Variants in PROK2 observed in about 807,000 individuals in gnomAD.
PROK2 encodes prokineticin 2.
PROK2 carries 8 observed loss-of-function variants against 14.2 expected under a neutral mutation model. The ratio of observed to expected loss-of-function variants is 0.56; its 90% confidence interval spans 0.33 to 1.02. The LOEUF (loss-of-function observed/expected upper bound fraction) is 1.02, where lower values mean the gene tolerates loss of function less well. Ranked by LOEUF, PROK2 falls within the 50% of genes least tolerant of loss-of-function variation. PROK2 has a pLI of 0.03. For missense variants in PROK2, 154 were observed against 160.4 expected, an observed-to-expected ratio of 0.96 and a Z score of 0.22; for synonymous variants, 59 against 60.7, an observed-to-expected ratio of 0.97 and a Z score of 0.13.
intron 2 of PROK2, among the ~76,000 whole-genome samples, chr3:71,781,106 G>A (rs1245277355): frequency 6.6e-6 from 1 of 152,106 alleles, no homozygotes; most frequent in Non-Finnish European, 1.5e-5. Flanking sequence ...AATATTAAAA[G>A]CAGTCTTTTT....
chr3:71,776,099 G>A (rs942237343), intron 2 of PROK2, among the ~76,000 whole-genome samples: 1 of 152,042 alleles, frequency 6.6e-6, no homozygotes, highest in African/African-American at 2.4e-5. Flanking sequence ...GTGTTCACAA[G>A]GTCATCTGTT....
intron 2 of PROK2, among the ~76,000 whole-genome samples, chr3:71,778,122 G>C (rs1054817491): frequency 6.6e-5 from 10 of 150,920 alleles, no homozygotes; most frequent in Non-Finnish European, 4.4e-5. Flanking sequence ...GCGTGAACCC[G>C]GGAGGCGGAG....
At chr3:71,776,967 C>T (rs1228436547) in intron 2 of PROK2, among the ~76,000 whole-genome samples, 8 of 152,176 alleles carry the variant, frequency 5.3e-5, no homozygotes, top group African/African-American at 2.4e-5. Context: ...TTTGAGAAAG[C>T]ATGACTTTTA....
rs766701869 is a variant in PROK2 at position 71,784,945 on chromosome 3, C to T, written c.96+12G>A. The T allele has an allele frequency of 4.0e-6, 5 of 1,243,214 alleles. No homozygotes were observed. The highest frequency in any genetic ancestry group is 5.0e-6 in the Non-Finnish European group (5 of 991,612). The allele number at this position is 1,243,214 out of a possible 1,614,324, so 77.0% of individuals were successfully genotyped here. On this transcript the variant is annotated intron_variant, in intron 1 of 3. Coordinates refer to ENST00000295619, the MANE Select transcript of PROK2 (RefSeq NM_001126128.2). ...CGCATCAGGGGCAGACAGGTGCGCCCGGGCCGCTTACCCCGGTGATCACGG... is the reference window on the plus strand; with the variant it reads ...CGCATCAGGGGCAGACAGGTGCGCCTGGGCCGCTTACCCCGGTGATCACGG...
intron 1 of PROK2, among the ~76,000 whole-genome samples, chr3:71,784,487 G>A (rs2050195109): frequency 6.6e-6 from 1 of 152,192 alleles, no homozygotes; most frequent in Non-Finnish European, 1.5e-5. Context: ...GGACGCATCG[G>A]GGAGCAAACT....
In PROK2 at chr3:71,774,432, G is replaced by A. The variant is rs751327748; in HGVS notation, c.285+13C>T. 2.5e-5 allele frequency: 39 copies of A among 1,550,756 alleles called. No homozygotes were observed. Among genetic ancestry groups the A allele is most frequent in the African/African-American group, 1.9e-4 (14 of 72,970 alleles). On this transcript the variant is annotated intron_variant, in intron 3 of 3. Coordinates refer to ENST00000295619, the MANE Select transcript of PROK2 (RefSeq NM_001126128.2). The stretch of plus-strand genomic sequence containing the variant: ...CATGTCTTTCGGTGGTACCACATTC[G>A]CATTCTTCTTACCTCCTTTTTCCTT...
chr3:71,776,207 C>T (rs1017506531), intron 2 of PROK2, among the ~76,000 whole-genome samples: 3 of 152,156 alleles, frequency 2.0e-5, no homozygotes, highest in African/African-American at 7.2e-5. Context: ...CTGACCCTAA[C>T]ATAATGATTA....
chr3:71,779,591 C>T (rs1182922177), intron 2 of PROK2, among the ~76,000 whole-genome samples: 2 of 152,154 alleles, frequency 1.3e-5, no homozygotes, highest in Non-Finnish European at 2.9e-5. Context: ...TGTACTAATA[C>T]TGCATGAAAA....
At position 71,772,550 on chromosome 3, in the gene PROK2, C is replaced by T. The variant is rs2050087463; in HGVS notation, c.*174G>A. The T allele has an allele frequency of 1.7e-5, 11 of 638,124 alleles. No individual in the cohort carries two copies. Among genetic ancestry groups the T allele is most frequent in the Non-Finnish European group, 3.0e-5 (11 of 366,596 alleles). 39.5% of individuals were successfully genotyped at this position (638,124 alleles called of 1,614,324 possible). On this transcript the variant is annotated 3_prime_UTR_variant, in exon 4 of 4. Transcript: ENST00000295619. ...CATATTTCTATCCAAAAGTAAAATT[C>T]TCTTTCGATAAAAAAAAAAAAAAAT...
intron 1 of PROK2, among the ~76,000 whole-genome samples, chr3:71,783,243 A>G (rs2050172745): frequency 6.6e-6 from 1 of 152,206 alleles, no homozygotes; most frequent in Non-Finnish European, 1.5e-5. Context: ...GATGTTTAAC[A>G]TGCTATACAC....
At chr3:71,780,160 T>C (rs1437053458) in intron 2 of PROK2, among the ~76,000 whole-genome samples, 3 of 152,224 alleles carry the variant, frequency 2.0e-5, no homozygotes, top group Non-Finnish European at 4.4e-5. Flanking sequence ...CAGTCTTGCA[T>C]GGTAAAACCA....
chr3:71,773,003 A>T (rs1559624102), intron 3 of PROK2, among the ~76,000 whole-genome samples, 175 bp from the exon 4 acceptor site: 1 of 152,212 alleles, frequency 6.6e-6, no homozygotes, highest in Non-Finnish European at 1.5e-5. Context: ...TTTTTGAGAC[A>T]GAGTCTTGCT....
At chr3:71,780,819 C>T (rs2050154918) in intron 2 of PROK2, among the ~76,000 whole-genome samples, 1 of 152,210 alleles carries the variant, frequency 6.6e-6, no homozygotes, top group Non-Finnish European at 1.5e-5. Flanking sequence ...GATACAATCT[C>T]TCAAACCCTG....
At chr3:71,783,912 A>T (rs1397797981) in intron 1 of PROK2, among the ~76,000 whole-genome samples, 2 of 152,246 alleles carry the variant, frequency 1.3e-5, no homozygotes, top group African/African-American at 4.8e-5. Context: ...TAAACCTAAT[A>T]ACTAATATAG....
rs529130442 is a variant in PROK2, at chr3:71,781,324, G to T, written c.222+143C>A. ...TTGAAATGAAAGGGGAGAGGAGAGG[G>T]GGTAGTTTTACACTGTTATCCTTGC... is the stretch of plus-strand genomic sequence containing the variant. On this transcript the variant is annotated intron_variant, in intron 2 of 3. Transcript: ENST00000295619. The T allele has an allele frequency of 1.3e-5, 13 of 969,190 alleles. No homozygotes were observed. In the African/African-American group the frequency reaches 1.8e-4, roughly 13 times the overall value. 60.0% of individuals were successfully genotyped at this position (969,190 alleles called of 1,614,324 possible).
chr3:71,782,644 A>G (rs1221170022), intron 1 of PROK2, among the ~76,000 whole-genome samples: 1 of 152,224 alleles, frequency 6.6e-6, no homozygotes, highest in Non-Finnish European at 1.5e-5. Context: ...GTAAGAAACT[A>G]AAACCTCTAT....
At chr3:71,782,161 C>A (rs1260208664) in intron 1 of PROK2, among the ~76,000 whole-genome samples, 6 of 152,202 alleles carry the variant, frequency 3.9e-5, no homozygotes, top group African/African-American at 1.4e-4. Context: ...GTTTCTCACA[C>A]CACTGACTTG....
chr3:71,780,147 T>C (rs182831230), intron 2 of PROK2, among the ~76,000 whole-genome samples: 2 of 152,348 alleles, frequency 1.3e-5, no homozygotes, highest in African/African-American at 4.8e-5. Flanking sequence ...TTAAATGACA[T>C]TGCAGTCTTG....
intron 3 of PROK2, 45 bp downstream of exon 3, chr3:71,774,399 CT>C: frequency 6.4e-7 from 1 of 1,551,462 alleles, no homozygotes; most frequent in Non-Finnish European, 8.7e-7. Flanking sequence ...AAGGCTAATT[CT>C]TCTGGGCATG....
Sources: allele counts gnomAD v4.1 joint callset (sites outside exome capture counted in the v4.1 genomes callset), GRCh38; gene constraint gnomAD v4.1.1; transcripts MANE v1.5; gene names NCBI Gene and HGNC (gene_info 2026-07-23, HGNC 2026-07-21).